Variants in HNRNPAB observed in about 807,000 individuals in gnomAD.
HNRNPAB encodes heterogeneous nuclear ribonucleoprotein A/B.
In HNRNPAB, 17 loss-of-function variants were observed where a neutral mutation model predicts 44.1. That is an observed-to-expected ratio of 0.39 (90% confidence interval 0.26 to 0.58). HNRNPAB has a LOEUF of 0.58. HNRNPAB is among the 20% of genes least tolerant of loss of function. HNRNPAB has a pLI of 0.63. For missense variants in HNRNPAB, 393 were observed against 432.7 expected, an observed-to-expected ratio of 0.91 and a Z score of 0.81; for synonymous variants, 183 against 167.6, an observed-to-expected ratio of 1.09 and a Z score of -0.71.
Position 178,210,988 on chromosome 5 carries a change from A to G in HNRNPAB, c.*365A>G, listed in dbSNP as rs964510207. On this transcript the variant is annotated 3_prime_UTR_variant, in exon 8 of 8. Coordinates refer to ENST00000358344, the MANE Select transcript of HNRNPAB (RefSeq NM_031266.3). ...AGTGTCACCTTTTTTTCACCTTTTAATTTTATATTATTTGCGTCATACATT... is the reference window on the plus strand; with the variant it reads ...AGTGTCACCTTTTTTTCACCTTTTAGTTTTATATTATTTGCGTCATACATT... 8.4e-6 allele frequency: 2 copies of G among 239,280 alleles called. No homozygotes were observed. Among genetic ancestry groups the G allele is most frequent in the Admixed American group, 5.2e-5 (1 of 19,306 alleles). The allele number at this position is 239,280 out of a possible 1,614,324, so 14.8% of individuals were successfully genotyped here.
At chr5:178,206,408 G>A (rs968200390) in intron 3 of HNRNPAB, among the ~76,000 whole-genome samples, 1 of 152,224 alleles carries the variant, frequency 6.6e-6, no homozygotes, top group Non-Finnish European at 1.5e-5. Flanking sequence ...GGAGTGGAGG[G>A]AGGATTCCTT....
Position 178,210,169 on chromosome 5 carries a change from C to T in HNRNPAB, c.825C>T (p.Tyr275=), listed in dbSNP as rs747281027. The T allele has an allele frequency of 1.9e-6, 3 of 1,613,906 alleles. No homozygotes were observed. The Admixed American group carries it at 5.0e-5, about 27-fold the overall frequency. The change falls in exon 7 of 8, where the codon TAC becomes TAT. Residue 275 remains tyrosine, a synonymous_variant. Transcript: ENST00000358344. ...GTTGGAATCAGGGCTACGGCAACTA[C>T]TGGAACCAGGGCTACGGCTACCAGC... ...SQSWNQGYGN[Y]WNQGYGYQQG... is the part of the protein sequence containing the mutation.
intron 2 of HNRNPAB, 76 bp from the exon 3 acceptor site, chr5:178,205,766 T>C: frequency 1.4e-6 from 2 of 1,445,356 alleles, no homozygotes; most frequent in African/African-American, 1.4e-5. Flanking sequence ...GTGAGAACTT[T>C]GCCAGGGCCA....
At chr5:178,205,376 G>T (rs1456266309) in intron 2 of HNRNPAB, among the ~76,000 whole-genome samples, 1 of 151,928 alleles carries the variant, frequency 6.6e-6, no homozygotes, top group Non-Finnish European at 1.5e-5. Flanking sequence ...CTTGGGCCGC[G>T]CCGGCGGCTG....
chr5:178,205,395 G>T (rs1317320884), intron 2 of HNRNPAB, among the ~76,000 whole-genome samples: 1 of 152,076 alleles, frequency 6.6e-6, no homozygotes, highest in Non-Finnish European at 1.5e-5. Flanking sequence ...TGCGTGGGCG[G>T]AGTTGGCGCG....
Position 178,211,158 on chromosome 5 carries a change from C to G in HNRNPAB, c.*535C>G, listed in dbSNP as rs1290152734. ...AGCTTTTGAAATAAAATTTAAAAAC[C>G]CCCAAGCCTGGGTGAGTGTGGGATA... On this transcript the variant is annotated 3_prime_UTR_variant, in exon 8 of 8. Coordinates refer to ENST00000358344, the MANE Select transcript of HNRNPAB (RefSeq NM_031266.3). 6.4e-6 allele frequency: 1 copy of G among 156,606 alleles called. No individual in the cohort carries two copies. The highest frequency in any genetic ancestry group is 1.4e-5 in the Non-Finnish European group (1 of 70,948). The allele number at this position is 156,606 out of a possible 1,614,324, so 9.7% of individuals were successfully genotyped here. A position where few individuals can be genotyped will look rare whatever the true frequency, so the allele number is the denominator to read the frequency against.
chr5:178,206,974 C>A, intron 4 of HNRNPAB, 84 bp downstream of exon 4: 1 of 1,588,578 alleles, frequency 6.3e-7, no homozygotes, highest in Non-Finnish European at 8.6e-7. Flanking sequence ...CTGGCTAGAC[C>A]CTCCCAGGCA....
intron 6 of HNRNPAB, 78 bp downstream of exon 6, chr5:178,209,525 C>A: frequency 7.9e-7 from 1 of 1,271,034 alleles, no homozygotes; most frequent in Non-Finnish European, 1.1e-6. Flanking sequence ...GGGGCTCCCT[C>A]TGGTGCTGTG....
rs1170280265 is a variant in HNRNPAB at position 178,206,783 on chromosome 5, AAG to A, written c.431_432del (p.Lys144SerfsTer20). On this transcript the variant is annotated frameshift_variant, in exon 4 of 8. Transcript: ENST00000358344. LOFTEE classifies it high-confidence loss of function. ...GGATGGCCGTGTCATTGACCCTAAA[AAG>A]GCCATGGCTATGAAGAAGGACCCGG... ...RLDGRVIDPK[K>X]AMAMKKDPVK... 1 of 1,614,028 alleles carries A rather than the reference AAG, an allele frequency of 6.2e-7. No homozygotes were observed. The highest frequency in any genetic ancestry group is 1.3e-5 in the African/African-American group (1 of 74,916).
Position 178,210,915 on chromosome 5 carries a change from G to C in HNRNPAB, c.*292G>C, listed in dbSNP as rs1018984126. 3.0e-5 allele frequency: 13 copies of C among 440,348 alleles called. No individual in the cohort carries two copies. Among genetic ancestry groups the C allele is most frequent in the Admixed American group, 2.0e-4 (5 of 25,232 alleles). 27.3% of individuals were successfully genotyped at this position (440,348 alleles called of 1,614,324 possible). On this transcript the variant is annotated 3_prime_UTR_variant, in exon 8 of 8. Transcript: ENST00000358344. ...GCTTCCTGCTGCCGCTCTGCAGCCTGGACCTGTGGACCCTGGTTGTAAAGA... is the reference window on the plus strand; with the variant it reads ...GCTTCCTGCTGCCGCTCTGCAGCCTCGACCTGTGGACCCTGGTTGTAAAGA...
chr5:178,210,525 T>G (rs374338234), intron 7 of HNRNPAB, 28 bp from the exon 8 acceptor site: 1 of 1,607,450 alleles, frequency 6.2e-7, no homozygotes, highest in Non-Finnish European at 8.5e-7. Flanking sequence ...TTGTAAATAG[T>G]AGCTGCTATG....
chr5:178,206,636 A>G (rs1757072053), intron 3 of HNRNPAB, 96 bp from the exon 4 acceptor site: 1 of 1,017,644 alleles, frequency 9.8e-7, no homozygotes, highest in Non-Finnish European at 1.4e-6. Context: ...GGTGAAACAC[A>G]TGTTTGTATC....
At chr5:178,210,453 C>T (rs1299532027) in intron 7 of HNRNPAB, 100 bp from the exon 8 acceptor site, 4 of 1,484,420 alleles carry the variant, frequency 2.7e-6, no homozygotes, top group African/African-American at 2.8e-5. Flanking sequence ...GCAGTCTCTG[C>T]TGTCACGGCT....
Position 178,205,921 on chromosome 5 carries a change from G to C in HNRNPAB, c.289G>C (p.Val97Leu), listed in dbSNP as rs1757039206. ...KDYFTKFGEV[V>L]DCTIKMDPNT... ...CTATTTTACTAAATTTGGAGAGGTC[G>C]TTGACTGTACAATAAAAATGGATCC... is the stretch of plus-strand genomic sequence containing the variant. The change falls in exon 3 of 8, where the codon GTT becomes CTT. Residue 97 changes from valine (V) to leucine (L), a missense_variant. By Grantham distance (32) the Val-to-Leu change is conservative. This residue lies in a region of HNRNPAB where 102 missense variants were observed against 162.3 expected (regional missense o/e 0.63). Transcript: ENST00000358344. 1.2e-6 allele frequency: 2 copies of C among 1,614,056 alleles called. No homozygotes were observed. Among genetic ancestry groups the C allele is most frequent in the South Asian group, 2.2e-5 (2 of 91,078 alleles).
At position 178,210,753 on chromosome 5, in the gene HNRNPAB, C is replaced by T. The variant is rs915670561; in HGVS notation, c.*130C>T. ...CCCATGTGCATCTTATTTAAAATTT[C>T]CCCCATGGAAATCACTCTCCTGTTG... On this transcript the variant is annotated 3_prime_UTR_variant, in exon 8 of 8. Coordinates refer to ENST00000358344, the MANE Select transcript of HNRNPAB (RefSeq NM_031266.3). 4.1e-6 allele frequency: 3 copies of T among 730,842 alleles called. No homozygotes were observed. Among genetic ancestry groups the T allele is most frequent in the Admixed American group, 2.1e-5 (1 of 47,878 alleles). 45.3% of individuals were successfully genotyped at this position (730,842 alleles called of 1,614,324 possible). A position where few individuals can be genotyped will look rare whatever the true frequency, so the allele number is the denominator to read the frequency against.
chr5:178,208,418 G>T (rs926340745), intron 5 of HNRNPAB: 1 of 152,180 alleles, frequency 6.6e-6, no homozygotes, highest in Non-Finnish European at 1.5e-5. Flanking sequence ...TGCCATAATG[G>T]GAAATGGGTG....
In HNRNPAB at chr5:178,207,238, C is replaced by T; in HGVS notation, c.669+13C>T. The T allele has an allele frequency of 1.2e-6, 2 of 1,613,518 alleles. No homozygotes were observed. The highest frequency in any genetic ancestry group is 8.5e-7 in the Non-Finnish European group (1 of 1,179,816). On this transcript the variant is annotated intron_variant, in intron 5 of 7. Transcript: ENST00000358344. ...CAGTGGAAGCAAGGTAAGGTGTTCC[C>T]AGCTCTGCTTGGCCTCCTGTGCTGC...
chr5:178,205,115 G>A, intron 2 of HNRNPAB, 69 bp downstream of exon 2: 9 of 1,105,820 alleles, frequency 8.1e-6, no homozygotes, highest in South Asian at 9.0e-5. Context: ...GGCGCCACGC[G>A]GCGGGGGGAG....
rs1309495917 is a variant in HNRNPAB, at chr5:178,204,979, C to G, written c.142C>G (p.Pro48Ala). Reference sequence around the variant, plus strand: ...GGCTGGAGGCGCGACCGCGGCGCCCCCGAGCGGGAATCAGAACGGCGCCGA... The same window carrying G: ...GGCTGGAGGCGCGACCGCGGCGCCCGCGAGCGGGAATCAGAACGGCGCCGA... ...AGAGGATAAP[P>A]SGNQNGAEGD... Residue 48 changes from proline (P) to alanine (A), a missense_variant, in exon 2 of 8, where the codon CCG becomes GCG. By Grantham distance (27) the Pro-to-Ala change is conservative (BLOSUM62 -1). Coordinates refer to ENST00000358344, the MANE Select transcript of HNRNPAB (RefSeq NM_031266.3). 8.3e-7 allele frequency: 1 copy of G among 1,209,498 alleles called. No homozygotes were observed. Among genetic ancestry groups the G allele is most frequent in the East Asian group, 3.3e-5 (1 of 29,858 alleles). 74.9% of individuals were successfully genotyped at this position (1,209,498 alleles called of 1,614,324 possible).
Sources: gnomAD v4.1 joint callset for allele counts (sites outside exome capture counted in the v4.1 genomes callset) on GRCh38, gnomAD v4.1.1 for gene constraint, gnomAD v4.1.1 regional missense constraint, MANE v1.5 for transcripts, NCBI Gene and HGNC (gene_info 2026-07-23, HGNC 2026-07-21) for gene names.